Variants in DOCK4 observed in about 807,000 individuals in gnomAD.
The protein encoded by DOCK4 is dedicator of cytokinesis protein 4.
Under a neutral mutation model 268.1 loss-of-function variants are expected in DOCK4, and 97 were observed. The ratio of observed to expected loss-of-function variants is 0.36; its 90% CI spans 0.31 to 0.43. DOCK4 has a LOEUF of 0.43. DOCK4 is among the 20% of genes least tolerant of loss of function. The pLI is 1.00. For synonymous variants in DOCK4, 954 were observed against 887.2 expected (o/e 1.08, Z -1.34); for missense variants, 2,145 against 2,455.7 (o/e 0.87, Z 2.67).
chr7:111,935,419 A>C (rs774924354), intron 12 of DOCK4, 121 bp downstream of exon 12: 9 of 824,138 alleles, frequency 1.1e-5, no homozygotes, highest in Non-Finnish European at 1.7e-5. Flanking sequence ...GAGCATTTTT[A>C]AAGTTAGGGA....
At chr7:111,800,238 A>G (rs1800175111) in intron 30 of DOCK4, among the ~76,000 whole-genome samples, 1 of 150,896 alleles carries the variant, frequency 6.6e-6, no homozygotes, top group South Asian at 2.1e-4. Context: ...AAAAAAAAAC[A>G]GCAACAACAA....
intron 1 of DOCK4, among the ~76,000 whole-genome samples, chr7:112,181,807 C>T (rs1195397635): frequency 6.6e-6 from 1 of 152,096 alleles, no homozygotes; most frequent in African/African-American, 2.4e-5. Context: ...GCACTTGCAT[C>T]TCACAGAATA....
intron 21 of DOCK4, chr7:111,869,357 G>T: frequency 2.0e-6 from 1 of 494,584 alleles, no homozygotes; most frequent in Non-Finnish European, 3.7e-6. Context: ...AGAGGAACAA[G>T]GATTCAATCC....
At chr7:111,811,992 G>T (rs1801171964) in intron 27 of DOCK4, 43 bp from the exon 28 acceptor site, 2 of 1,119,766 alleles carry the variant, frequency 1.8e-6, no homozygotes, top group South Asian at 3.1e-5. Flanking sequence ...TCATATTAGT[G>T]AAAATCATTT....
chr7:111,840,885 T>A, intron 25 of DOCK4: 2 of 1,324,410 alleles, frequency 1.5e-6, no homozygotes, highest in Non-Finnish European at 2.0e-6. Context: ...GAGAAAATGA[T>A]AAAGAAATTC....
chr7:112,195,214 G>A (rs182243233), intron 1 of DOCK4, among the ~76,000 whole-genome samples: 13 of 152,292 alleles, frequency 8.5e-5, no homozygotes, highest in Admixed American at 7.2e-4. Context: ...GGGAAGCAGA[G>A]GTTGTAGTGA....
Position 111,735,139 on chromosome 7 carries a change from G to C in DOCK4, c.5334C>G (p.Ser1778Arg). The stretch of plus-strand genomic sequence containing the variant: ...TCTTGGCTTCCTTCCCACTGTCCAG[G>C]CTCCAGCTGCTAGGGGTGGGGTTCA... ...KAVNPTPSSW[S>R]LDSGKEAKNM... Residue 1778 changes from serine to arginine, a missense_variant, in exon 51 of 53, where the codon AGC (serine) becomes AGG (arginine). Ser to Arg is a moderately radical substitution (Grantham distance 110). Transcript: ENST00000428084. 1 of 1,595,216 alleles carries C rather than the reference G, an allele frequency of 6.3e-7. No individual in the cohort carries two copies. The highest frequency in any genetic ancestry group is 2.3e-5 in the East Asian group (1 of 44,382).
chr7:112,040,871 T>C (rs530679812), intron 1 of DOCK4, among the ~76,000 whole-genome samples: 2 of 152,360 alleles, frequency 1.3e-5, no homozygotes, highest in South Asian at 4.1e-4. Flanking sequence ...TATATGTTTA[T>C]GAACATGCAT....
chr7:112,077,780 T>G (rs1283516209), intron 1 of DOCK4, among the ~76,000 whole-genome samples: 3 of 152,278 alleles, frequency 2.0e-5, no homozygotes, highest in Non-Finnish European at 4.4e-5. Flanking sequence ...TGTAATTTTC[T>G]GAATAATGCT....
chr7:111,813,436 T>A (rs930203184), intron 27 of DOCK4, among the ~76,000 whole-genome samples: 2 of 152,136 alleles, frequency 1.3e-5, no homozygotes, highest in African/African-American at 4.8e-5. Context: ...GGTAGGGAAA[T>A]ATTAACAAGG....
intron 1 of DOCK4, among the ~76,000 whole-genome samples, chr7:112,076,289 AAAG>A (rs1808061930): frequency 6.6e-6 from 1 of 152,034 alleles, no homozygotes; most frequent in Non-Finnish European, 1.5e-5. Flanking sequence ...TAACTAAGAA[AAAG>A]AATTGGGGGG....
At chr7:112,099,962 A>G (rs1810522727) in intron 1 of DOCK4, among the ~76,000 whole-genome samples, 1 of 152,230 alleles carries the variant, frequency 6.6e-6, no homozygotes, top group Admixed American at 6.5e-5. Flanking sequence ...TTGCAAAACA[A>G]GAACTCACAA....
At chr7:111,858,711 T>C (rs757412109) in intron 23 of DOCK4, among the ~76,000 whole-genome samples, 9 of 152,176 alleles carry the variant, frequency 5.9e-5, no homozygotes, top group Non-Finnish European at 1.0e-4. Flanking sequence ...ACTGCAGATA[T>C]GAGATTTCTC....
chr7:111,733,267 C>A (rs1795233101), intron 51 of DOCK4, among the ~76,000 whole-genome samples: 1 of 152,184 alleles, frequency 6.6e-6, no homozygotes, highest in African/African-American at 2.4e-5. Context: ...TAAGAACAGA[C>A]CATGAGAGCA....
intron 30 of DOCK4, among the ~76,000 whole-genome samples, chr7:111,796,400 C>A (rs183000298): frequency 3.9e-4 from 60 of 152,348 alleles, no homozygotes; most frequent in African/African-American, 1.4e-3. Context: ...TAGTTCTCTG[C>A]AGTACATTGC....
intron 23 of DOCK4, among the ~76,000 whole-genome samples, chr7:111,861,273 G>A (rs976339829): frequency 6.6e-6 from 1 of 151,972 alleles, no homozygotes; most frequent in Non-Finnish European, 1.5e-5. Context: ...AAATCGGAAG[G>A]TTGAACTTTC....
intron 7 of DOCK4, among the ~76,000 whole-genome samples, chr7:111,981,613 T>G (rs1006671235): frequency 2.0e-5 from 3 of 152,088 alleles, no homozygotes; most frequent in Non-Finnish European, 2.9e-5. Context: ...ACTATTTGAG[T>G]TGTTTTTGGG....
chr7:111,737,301 T>G (rs1005979231), intron 49 of DOCK4, among the ~76,000 whole-genome samples: 6 of 152,128 alleles, frequency 3.9e-5, no homozygotes, highest in Non-Finnish European at 5.9e-5. Flanking sequence ...TTTTTTTCTT[T>G]TCTTTTTAGA....
intron 42 of DOCK4, among the ~76,000 whole-genome samples, chr7:111,753,012 G>GC (rs1796787025): frequency 7.0e-6 from 1 of 143,298 alleles, no homozygotes; most frequent in Non-Finnish European, 1.5e-5. Flanking sequence ...TATTGGGGGG[G>GC]GGGTCTGTGA....
Sources: gnomAD v4.1 joint callset for allele counts (sites outside exome capture counted in the v4.1 genomes callset) on GRCh38, gnomAD v4.1.1 for gene constraint, MANE v1.5 for transcripts, NCBI Gene and HGNC (gene_info 2026-07-23, HGNC 2026-07-21) for gene names.